NDUFA11: variants seen among roughly 807,000 people sequenced by gnomAD.
NDUFA11 encodes NADH dehydrogenase [ubiquinone] 1 alpha subcomplex subunit 11.
A neutral mutation model predicts 11.3 loss-of-function variants in NDUFA11; 14 were observed. The observed-to-expected ratio is 1.24, with a 90% confidence interval of 0.82 to 1.94. The LOEUF is 1.94. NDUFA11 is among the 30% of genes most tolerant of loss of function. The probability of loss-of-function intolerance (pLI) is 0.00; values close to 1 mark genes in which losing one functional copy is unlikely to be tolerated. For missense variants in NDUFA11, 204 were observed against 200.3 expected, an observed-to-expected ratio of 1.02 and a Z score of -0.11; for synonymous variants, 87 against 85.6, an observed-to-expected ratio of 1.02 and a Z score of -0.09.
chr19:5,896,638 T>G lies in NDUFA11; in HGVS notation c.191-63A>C. The G allele has an allele frequency of 6.4e-7, 1 of 1,550,430 alleles. No homozygotes were observed. The highest frequency in any genetic ancestry group is 8.7e-7 in the Non-Finnish European group (1 of 1,147,352). The stretch of plus-strand genomic sequence containing the variant: ...GGCACAGCAGGAGCCTCTTGGGCGC[T>G]CACTGCCAGTGTCTGGATGGAGAGA... On this transcript the variant is annotated intron_variant, in intron 2 of 3. Transcript: ENST00000308961. This position sits in a 1 kb window ranked among gnomAD's most constrained non-coding sequence, Gnocchi z 5.8.
intron 1 of NDUFA11, among the ~76,000 whole-genome samples, chr19:5,899,063 G>GCA (rs149358572): frequency 0.032 from 4,672 of 147,356 alleles, 194 homozygotes; most frequent in African/African-American, 0.099. Flanking sequence ...TTCAGTCAGT[G>GCA]CACACACACA....
chr19:5,902,130 C>G (rs2057650112), intron 1 of NDUFA11, among the ~76,000 whole-genome samples: 4 of 151,634 alleles, frequency 2.6e-5, no homozygotes, highest in South Asian at 4.2e-4. Context: ...CACCCGCCAT[C>G]ATGCCTGGCT....
Position 5,903,741 on chromosome 19 carries a change from C to A in NDUFA11, c.-33G>T, listed in dbSNP as rs372900485. On this transcript the variant is annotated 5_prime_UTR_variant, in exon 1 of 4. Transcript: ENST00000308961. ...AATCTCGATCCCGCACCACGGACCC[C>A]GCCAGCTCGGGAAGCGCAAGGGCAG... is the stretch of plus-strand genomic sequence containing the variant. The A allele has an allele frequency of 6.5e-7, 1 of 1,548,960 alleles. No individual in the cohort carries two copies. Among genetic ancestry groups the A allele is most frequent in the East Asian group, 2.4e-5 (1 of 40,902 alleles).
In NDUFA11 at chr19:5,896,816, T is replaced by C. The variant is rs1269098745; in HGVS notation, c.190+89A>G. On this transcript the variant is annotated intron_variant, in intron 2 of 3. Coordinates refer to ENST00000308961, the MANE Select transcript of NDUFA11 (RefSeq NM_175614.5). The surrounding 1 kb of genome is among the most constrained non-coding windows in gnomAD (Gnocchi z 5.8). Reference sequence around the variant, plus strand: ...AGCACTGTGGACACGGGCTGGGGAGTCAGAGAGAAGAGGCAGCCGTCAAAT... The same window carrying C: ...AGCACTGTGGACACGGGCTGGGGAGCCAGAGAGAAGAGGCAGCCGTCAAAT... 7.8e-7 allele frequency: 1 copy of C among 1,286,422 alleles called. No individual in the cohort carries two copies. Among genetic ancestry groups the C allele is most frequent in the African/African-American group, 1.5e-5 (1 of 68,104 alleles). The allele number at this position is 1,286,422 out of a possible 1,614,324, so 79.7% of individuals were successfully genotyped here. A position where few individuals can be genotyped will look rare whatever the true frequency, so the allele number is the denominator to read the frequency against.
chr19:5,894,683 G>C lies in NDUFA11; in HGVS notation c.*59C>G, dbSNP rs191571307. ...CCCTCCGGACACTGACACACACACA[G>C]ACACAGAATTTATTTCTGGACGCAT... On this transcript the variant is annotated 3_prime_UTR_variant, in exon 4 of 4. Coordinates refer to ENST00000308961, the MANE Select transcript of NDUFA11 (RefSeq NM_175614.5). 96 of 1,584,260 alleles carry C rather than the reference G, an allele frequency of 6.1e-5. No individual in the cohort carries two copies. In the African/African-American group the frequency reaches 1.2e-3, roughly 20 times the overall value.
At position 5,901,578 on chromosome 19, in the gene NDUFA11, C is replaced by T. The variant is rs567932432; in HGVS notation, c.97+2034G>A. 9.8e-5 allele frequency: 65 copies of T among 663,714 alleles called. 2 individuals carry two copies. In the South Asian group the frequency reaches 1.2e-3, roughly 12 times the overall value. The allele number at this position is 663,714 out of a possible 1,614,324, so 41.1% of individuals were successfully genotyped here. A position where few individuals can be genotyped will look rare whatever the true frequency, so the allele number is the denominator to read the frequency against. On this transcript the variant is annotated intron_variant, in intron 1 of 3. Coordinates refer to ENST00000308961, the MANE Select transcript of NDUFA11 (RefSeq NM_175614.5). ...AATGGAGCCGCAACTTTGGCCGGGC[C>T]CTGTTTCACATATGCTGGAAATACA...
At chr19:5,897,583 G>A (rs974176435) in intron 1 of NDUFA11, among the ~76,000 whole-genome samples, 4 of 152,292 alleles carry the variant, frequency 2.6e-5, no homozygotes, top group Admixed American at 1.3e-4. Context: ...CTGGCAGCTC[G>A]GGCCTGGGCT....
intron 1 of NDUFA11, among the ~76,000 whole-genome samples, chr19:5,899,189 G>A (rs939961093): frequency 9.6e-5 from 14 of 145,948 alleles, no homozygotes; most frequent in Non-Finnish European, 1.5e-4. Context: ...TCGCTCTGTC[G>A]CCCAGGCTGG....
chr19:5,901,641 C>CA (rs1219984416), intron 1 of NDUFA11: 2 of 278,420 alleles, frequency 7.2e-6, no homozygotes, highest in African/African-American at 4.5e-5. Flanking sequence ...ATAGACACAC[C>CA]AGGTTGTAAA....
chr19:5,894,278 CAT>C (rs1405236508), downstream of NDUFA11, among the ~76,000 whole-genome samples: 2 of 152,204 alleles, frequency 1.3e-5, no homozygotes, highest in Admixed American at 1.3e-4. Flanking sequence ...GTGTTTTCCA[CAT>C]GTTGTTGGCT....
rs565325327 is a variant in NDUFA11 at position 5,900,014 on chromosome 19, G to C, written c.98-3017C>G. On this transcript the variant is annotated intron_variant, in intron 1 of 3. Transcript: ENST00000308961. The stretch of plus-strand genomic sequence containing the variant: ...TCATGGAGCACACCTGACACGGTGA[G>C]TGCGCCCACCATCCTCCATCCCTTC... 3.3e-5 allele frequency: 5 copies of C among 152,256 alleles called. No homozygotes were observed. In the South Asian group the frequency reaches 1.0e-3, roughly 32 times the overall value. The allele number at this position is 152,256 out of a possible 1,614,324, so 9.4% of individuals were successfully genotyped here.
chr19:5,897,313 C>T (rs2057616615), intron 1 of NDUFA11, among the ~76,000 whole-genome samples: 1 of 152,188 alleles, frequency 6.6e-6, no homozygotes, highest in Admixed American at 6.5e-5. Flanking sequence ...GGGCACCGGC[C>T]GGCAGACGGA....
chr19:5,894,339 G>A (rs1221511233), downstream of NDUFA11, among the ~76,000 whole-genome samples: 1 of 152,170 alleles, frequency 6.6e-6, no homozygotes, highest in Admixed American at 6.5e-5. Context: ...CAGGGGGGTT[G>A]TGACCAGAGC....
downstream of NDUFA11, chr19:5,892,391 G>A (rs115670674): frequency 2.2e-3 from 338 of 156,102 alleles, 1 homozygote; most frequent in African/African-American, 7.4e-3. Context: ...CTTGCAGGGG[G>A]CGGAGGCCTG....
chr19:5,893,938 G>A (rs2057592109), downstream of NDUFA11, among the ~76,000 whole-genome samples: 1 of 152,180 alleles, frequency 6.6e-6, no homozygotes, highest in Non-Finnish European at 1.5e-5. This position sits in a 1 kb window ranked among gnomAD's most constrained non-coding sequence, Gnocchi z 4.1. Flanking sequence ...GGTGGAGCCT[G>A]GAGCGCCCTA....
chr19:5,893,069 G>C (rs533605565), downstream of NDUFA11: 3 of 1,535,954 alleles, frequency 2.0e-6, no homozygotes, highest in African/African-American at 4.1e-5. The surrounding 1 kb of genome is among the most constrained non-coding windows in gnomAD (Gnocchi z 4.1). Flanking sequence ...GGAAGTGGAC[G>C]TGACCCTGAG....
chr19:5,900,255 C>T (rs942598968), intron 1 of NDUFA11, among the ~76,000 whole-genome samples: 1 of 152,212 alleles, frequency 6.6e-6, no homozygotes, highest in African/African-American at 2.4e-5. Context: ...GACCGCCAGA[C>T]CCAGTGTGAA....
chr19:5,892,357 C>G (rs150836816), downstream of NDUFA11: 163 of 155,144 alleles, frequency 1.1e-3, no homozygotes, highest in Middle Eastern at 9.7e-3. Flanking sequence ...GGGCCGCACA[C>G]GGGCCTGGAG....
In NDUFA11 at chr19:5,896,082, CG is replaced by C. The variant is rs763003037; in HGVS notation, c.313+370del. Reference sequence around the variant, plus strand: ...GAAGGAAGGCGGCACAGAGCGAGGGCGGCGGGGATGCTGGCTTGTACACAGG... The same window carrying C: ...GAAGGAAGGCGGCACAGAGCGAGGGCGCGGGGATGCTGGCTTGTACACAGG... On this transcript the variant is annotated intron_variant, in intron 3 of 3. Transcript: ENST00000308961. The surrounding 1 kb of genome is among the most constrained non-coding windows in gnomAD (Gnocchi z 5.8). 40 of 451,978 alleles carry C rather than the reference CG, an allele frequency of 8.8e-5. No individual in the cohort carries two copies. The South Asian group carries it at 1.2e-3, about 14-fold the overall frequency. 28.0% of individuals were successfully genotyped at this position (451,978 alleles called of 1,614,324 possible). A position where few individuals can be genotyped will look rare whatever the true frequency, so the allele number is the denominator to read the frequency against.
Sources: allele counts gnomAD v4.1 joint callset (sites outside exome capture counted in the v4.1 genomes callset), GRCh38; gene constraint gnomAD v4.1.1; non-coding constraint Gnocchi (gnomAD v3.1); transcripts MANE v1.5; gene names NCBI Gene and HGNC (gene_info 2026-07-23, HGNC 2026-07-21).